Variants in HTT observed in about 807,000 individuals in gnomAD.
HTT encodes huntington disease protein.
HTT carries 104 observed loss-of-function variants against 362.3 expected under a neutral mutation model. The ratio of observed to expected loss-of-function variants is 0.29; its 90% CI spans 0.24 to 0.34. The LOEUF (loss-of-function observed/expected upper bound fraction) is 0.34, where lower values mean the gene tolerates loss of function less well. Ranked by LOEUF, HTT falls within the 10% of genes least tolerant of loss-of-function variation. The pLI, the probability that HTT is intolerant of heterozygous loss-of-function variation, is 1.00. For synonymous variants in HTT, 1,577 were observed against 1,548.7 expected (o/e 1.02, Z -0.43); for missense variants, 3,301 against 3,928.6 (o/e 0.84, Z 4.27).
chr4:3,207,122 C>T lies in HTT; in HGVS notation c.6075+139C>T, dbSNP rs1193909951. Reference sequence around the variant, plus strand: ...AAACATGGAAACATCTGCAAACTTGCCGTTACTCGTGTGTCCGATCTGACT... The same window carrying T: ...AAACATGGAAACATCTGCAAACTTGTCGTTACTCGTGTGTCCGATCTGACT... On this transcript the variant is annotated intron_variant, in intron 44 of 66. Coordinates refer to ENST00000355072, the MANE Select transcript of HTT (RefSeq NM_001388492.1). 8 of 1,062,996 alleles carry T rather than the reference C, an allele frequency of 7.5e-6. No individual in the cohort carries two copies. The African/African-American group carries it at 9.6e-5, about 13-fold the overall frequency. The allele number at this position is 1,062,996 out of a possible 1,614,324, so 65.8% of individuals were successfully genotyped here.
chr4:3,144,695 G>C (rs1391311246), intron 23 of HTT, among the ~76,000 whole-genome samples: 1 of 152,172 alleles, frequency 6.6e-6, no homozygotes, highest in East Asian at 1.9e-4. Context: ...TCTGCAGTAT[G>C]GTCTTCCCTT....
chr4:3,149,597 C>T (rs1353539981), intron 26 of HTT, among the ~76,000 whole-genome samples: 1 of 152,046 alleles, frequency 6.6e-6, no homozygotes, highest in Non-Finnish European at 1.5e-5. Context: ...CATGAGCCAC[C>T]ACGCCCAGCC....
At chr4:3,135,142 A>T (rs1560563288) in intron 19 of HTT, among the ~76,000 whole-genome samples, 1 of 152,024 alleles carries the variant, frequency 6.6e-6, no homozygotes, top group African/African-American at 2.4e-5. Flanking sequence ...TTAAACTTTT[A>T]AAAAAATGTA....
chr4:3,207,530 T>TTAGAA (rs1719926596), intron 45 of HTT, among the ~76,000 whole-genome samples, 173 bp downstream of exon 45: 2 of 152,228 alleles, frequency 1.3e-5, no homozygotes, highest in African/African-American at 4.8e-5. Context: ...AGATCTCACT[T>TTAGAA]TCTAAAGAGT....
In HTT at chr4:3,127,329, G is replaced by A; in HGVS notation, c.1468G>A (p.Ala490Thr). Residue 490 changes from alanine (A) to threonine (T), a missense_variant, in exon 12 of 67, where the codon GCA becomes ACA. Physicochemically the swap from Ala to Thr is moderately conservative, Grantham distance 58. This residue lies in a region of HTT where 2,316 missense variants were observed against 2,658.5 expected (regional missense o/e 0.87). Transcript: ENST00000355072. ...TTCAGGGGTTTCCACTCCAGGGTCA[G>A]CAGGTCATGACATCATCACAGAACA... is the stretch of plus-strand genomic sequence containing the variant. ...ASSGVSTPGS[A>T]GHDIITEQPR... The A allele has an allele frequency of 6.2e-7, 1 of 1,614,202 alleles. No individual in the cohort carries two copies. Among genetic ancestry groups the A allele is most frequent in the Non-Finnish European group, 8.5e-7 (1 of 1,180,020 alleles).
At chr4:3,114,677 G>A (rs1345807360) in intron 6 of HTT, among the ~76,000 whole-genome samples, 2 of 152,156 alleles carry the variant, frequency 1.3e-5, no homozygotes, top group Non-Finnish European at 1.5e-5. Flanking sequence ...AAGATAATGC[G>A]ACTAGCTGGG....
intron 42 of HTT, 147 bp downstream of exon 42, chr4:3,204,295 T>TTAG (rs1719741744): frequency 1.4e-6 from 1 of 736,392 alleles, no homozygotes; most frequent in Non-Finnish European, 2.2e-6. Context: ...GAATGAATGT[T>TTAG]TACTTCTGCT....
chr4:3,108,348 G>A (rs1448370461), intron 6 of HTT, among the ~76,000 whole-genome samples: 1 of 152,188 alleles, frequency 6.6e-6, no homozygotes. Flanking sequence ...TTGGAATGAC[G>A]AAGGGAGATG....
At chr4:3,086,538 G>A (rs1276328924) in intron 1 of HTT, among the ~76,000 whole-genome samples, 1 of 152,162 alleles carries the variant, frequency 6.6e-6, no homozygotes. Flanking sequence ...AGGCCCAGTG[G>A]TGCGTGCCTG....
At chr4:3,136,194 T>G in intron 20 of HTT, 32 bp from the exon 21 acceptor site, 1 of 1,424,318 alleles carries the variant, frequency 7.0e-7, no homozygotes, top group South Asian at 1.2e-5. Context: ...AATACAAGAT[T>G]ATGTTTATTT....
At chr4:3,080,012 T>C (rs1712803847) in intron 1 of HTT, among the ~76,000 whole-genome samples, 1 of 152,278 alleles carries the variant, frequency 6.6e-6, no homozygotes, top group South Asian at 2.1e-4. Context: ...TGCAATAGCT[T>C]AAACTGGTAA....
chr4:3,096,758 G>T (rs574458529), intron 2 of HTT, among the ~76,000 whole-genome samples: 1 of 152,306 alleles, frequency 6.6e-6, no homozygotes, highest in South Asian at 2.1e-4. Flanking sequence ...AGGAAAGAAA[G>T]ATTTCAAATC....
rs1464720327 is a variant in HTT at position 3,121,349 on chromosome 4, C to T, written c.1190C>T (p.Ala397Val). Residue 397 changes from alanine to valine, a missense_variant, in exon 9 of 67, where the codon GCA (alanine) becomes GTA (valine). Ala to Val is a moderately conservative substitution (Grantham distance 64). Around this residue, in one of 4 missense-constraint regions of HTT, gnomAD observed 2,316 missense variants for 2,658.5 expected, o/e 0.87. Transcript: ENST00000355072. ...PPPELLQTLT[A>V]VGGIGQLTAA... ...CCCGAGCTTCTGCAAACCCTGACCG[C>T]AGTCGGGGGCATTGGGCAGCTCACC... 1 of 1,614,052 alleles carries T rather than the reference C, an allele frequency of 6.2e-7. No individual in the cohort carries two copies. Among genetic ancestry groups the T allele is most frequent in the Middle Eastern group, 1.6e-4 (1 of 6,082 alleles).
chr4:3,170,445 G>T (rs73792352), intron 29 of HTT, among the ~76,000 whole-genome samples: 5,401 of 152,224 alleles, frequency 0.035, 297 homozygotes, highest in African/African-American at 0.12. Flanking sequence ...AGCCCTGTGT[G>T]AGCGCTGAGC....
intron 40 of HTT, among the ~76,000 whole-genome samples, chr4:3,192,643 C>T (rs563509980): frequency 1.5e-3 from 221 of 152,280 alleles, no homozygotes; most frequent in Middle Eastern, 3.4e-3. Context: ...TGGTCTGCTG[C>T]AAGGGATAGC....
intron 40 of HTT, among the ~76,000 whole-genome samples, chr4:3,195,364 G>A (rs1305139217): frequency 6.6e-6 from 1 of 152,018 alleles, no homozygotes; most frequent in African/African-American, 2.4e-5. Context: ...TTGCGGAGCT[G>A]CTGCGTGCAG....
intron 22 of HTT, among the ~76,000 whole-genome samples, chr4:3,142,469 T>G (rs1427530572): frequency 6.6e-6 from 1 of 152,168 alleles, no homozygotes; most frequent in African/African-American, 2.4e-5. Flanking sequence ...TTCTTTTTTC[T>G]TGGAAGCAGG....
chr4:3,136,032 G>T (rs1716049711), intron 20 of HTT, 65 bp downstream of exon 20: 1 of 1,210,526 alleles, frequency 8.3e-7, no homozygotes, highest in African/African-American at 1.5e-5. Flanking sequence ...GGCTTTCCTT[G>T]TGGAATTTCT....
chr4:3,206,277 A>C lies in HTT; in HGVS notation c.5719-219A>C, dbSNP rs2110269141. Among the ~76,000 whole-genome samples, 1 of 152,344 alleles carries C rather than the reference A, an allele frequency of 6.6e-6. No individual in the cohort carries two copies. The highest frequency in any genetic ancestry group is 2.4e-5 in the African/African-American group (1 of 41,582). ...CTACTTCCCCAGGGGGCCTAACTTC[A>C]CACAGCCTCTGCCGCAGTGCGTGGT... On this transcript the variant is annotated intron_variant, in intron 42 of 66. Transcript: ENST00000355072. This position sits in a 1 kb window ranked among gnomAD's most constrained non-coding sequence, Gnocchi z 4.6.
Sources: allele counts gnomAD v4.1 joint callset (sites outside exome capture counted in the v4.1 genomes callset), GRCh38; gene constraint gnomAD v4.1.1; regional missense constraint gnomAD v4.1.1; non-coding constraint Gnocchi (gnomAD v3.1); transcripts MANE v1.5; gene names NCBI Gene and HGNC (gene_info 2026-07-23, HGNC 2026-07-21).